SLC9C2: variants seen among roughly 807,000 people sequenced by gnomAD.
SLC9C2 encodes the protein solute carrier family 9 member C2 (putative), also known as sodium/hydrogen exchanger 11.
Under a neutral mutation model 140.2 loss-of-function variants are expected in SLC9C2, and 75 were observed. The ratio of observed to expected loss-of-function variants is 0.53; its 90% CI spans 0.44 to 0.65. The LOEUF (loss-of-function observed/expected upper bound fraction) is 0.65, where lower values mean the gene tolerates loss of function less well. Ranked by LOEUF, SLC9C2 falls within the 30% of genes least tolerant of loss-of-function variation. The pLI is 0.00. For missense variants in SLC9C2, 1,074 were observed against 1,331.8 expected (o/e 0.81, Z 3.01); for synonymous variants, 375 against 420.9 (o/e 0.89, Z 1.34).
In SLC9C2 at chr1:173,560,756, T is replaced by C. The variant is rs146659250; in HGVS notation, c.1047-3248A>G. Among the ~76,000 whole-genome samples, 491 of 152,264 alleles carry C rather than the reference T, an allele frequency of 3.2e-3. 5 individuals carry two copies. The highest frequency in any genetic ancestry group is 0.011 in the African/African-American group (472 of 41,558). ...CCCCGCAGCTAGCTATGAAGCCCCA[T>C]AACACGTTTCTTGTTCCTTCTCTCT... On this transcript the variant is annotated intron_variant, in intron 9 of 27. Transcript: ENST00000367714.
intron 4 of SLC9C2, among the ~76,000 whole-genome samples, chr1:173,597,697 T>C: frequency 6.6e-6 from 1 of 152,186 alleles, no homozygotes. Context: ...GCACTGAGAA[T>C]GCCTAGTCAC....
At chr1:173,504,988 T>C (rs1359460) in intron 26 of SLC9C2, among the ~76,000 whole-genome samples, 77,579 of 152,060 alleles carry the variant, frequency 0.51, 21,559 homozygotes, top group East Asian at 0.95. Context: ...CAGAGTGCAT[T>C]GCAGAAGCTG....
intron 9 of SLC9C2, among the ~76,000 whole-genome samples, chr1:173,571,057 C>A (rs1177286366): frequency 6.6e-6 from 1 of 152,116 alleles, no homozygotes; most frequent in African/African-American, 2.4e-5. Flanking sequence ...GTGCAGATAG[C>A]TGTTAAAATG....
At chr1:173,546,681 A>G (rs759233230) in intron 13 of SLC9C2, among the ~76,000 whole-genome samples, 2 of 152,196 alleles carry the variant, frequency 1.3e-5, no homozygotes, top group Admixed American at 6.5e-5. Context: ...TTTGAAGGAC[A>G]TATCAGTTCA....
intron 19 of SLC9C2, among the ~76,000 whole-genome samples, chr1:173,525,780 C>T (rs1422670344): frequency 6.6e-6 from 1 of 152,204 alleles, no homozygotes; most frequent in African/African-American, 2.4e-5. Flanking sequence ...ATATTCCATA[C>T]TGATCTAAAA....
chr1:173,587,826 A>G lies in SLC9C2; in HGVS notation c.362T>C (p.Leu121Ser). The G allele has an allele frequency of 3.1e-6, 5 of 1,610,778 alleles. No homozygotes were observed. Among genetic ancestry groups the G allele is most frequent in the Non-Finnish European group, 4.2e-6 (5 of 1,178,396 alleles). Residue 121 changes from leucine (L) to serine (S), a missense_variant, in exon 5 of 28, where the codon TTG (leucine) becomes TCG (serine). Leu to Ser is a moderately radical substitution (Grantham distance 145). Coordinates refer to ENST00000367714, the MANE Select transcript of SLC9C2 (RefSeq NM_178527.4). ...YTLKKMFWQVLLTGLISFSTA... is the reference protein window; with the variant it reads ...YTLKKMFWQVSLTGLISFSTA... Reference sequence around the variant, plus strand: ...AGAAAAGCTAATTAATCCAGTTAACAAGACCTGTGAACCAATTCATAACAC... The same window carrying G: ...AGAAAAGCTAATTAATCCAGTTAACGAGACCTGTGAACCAATTCATAACAC...
chr1:173,508,606 G>A (rs540810662), intron 24 of SLC9C2, among the ~76,000 whole-genome samples: 57 of 152,274 alleles, frequency 3.7e-4, no homozygotes, highest in Non-Finnish European at 6.5e-4. Flanking sequence ...TTGCAATAAA[G>A]TAAAAGAAAC....
chr1:173,515,321 C>T (rs1434620646), intron 23 of SLC9C2, among the ~76,000 whole-genome samples: 2 of 152,204 alleles, frequency 1.3e-5, no homozygotes, highest in African/African-American at 4.8e-5. Flanking sequence ...GTTCTTTTTA[C>T]ATAGTCCCAT....
chr1:173,549,270 C>G (rs1476572916), intron 11 of SLC9C2, among the ~76,000 whole-genome samples: 1 of 152,194 alleles, frequency 6.6e-6, no homozygotes, highest in East Asian at 1.9e-4. Flanking sequence ...ATTTCACTCT[C>G]TATGGGACAC....
chr1:173,581,946 AC>A lies in SLC9C2; in HGVS notation c.702del (p.Trp234CysfsTer18). 1 of 1,606,042 alleles carries A rather than the reference AC, an allele frequency of 6.2e-7. No homozygotes were observed. Among genetic ancestry groups the A allele is most frequent in the Non-Finnish European group, 8.5e-7 (1 of 1,174,820 alleles). ...DILGSIIFGY[W>X]CAKIIQCILA... ...AATATACACTGAATGATTTTTGCACACCAATATCCAAATATTATGCTTCCCA... is the reference window on the plus strand; with the variant it reads ...AATATACACTGAATGATTTTTGCACACAATATCCAAATATTATGCTTCCCA... On this transcript the variant is annotated frameshift_variant, in exon 7 of 28. Coordinates refer to ENST00000367714, the MANE Select transcript of SLC9C2 (RefSeq NM_178527.4). LOFTEE classifies it high-confidence loss of function.
At chr1:173,565,023 A>C (rs1664382752) in intron 9 of SLC9C2, among the ~76,000 whole-genome samples, 1 of 132,432 alleles carries the variant, frequency 7.6e-6, no homozygotes, top group South Asian at 2.4e-4. Flanking sequence ...GCTGGAGTGC[A>C]GTGGTGCAAA....
intron 23 of SLC9C2, among the ~76,000 whole-genome samples, chr1:173,516,258 A>T (rs1456235866): frequency 1.3e-5 from 2 of 152,252 alleles, no homozygotes; most frequent in African/African-American, 4.8e-5. Context: ...TGTTGAATAG[A>T]TAACTTCTTA....
intron 13 of SLC9C2, among the ~76,000 whole-genome samples, chr1:173,541,505 G>A (rs1302815237): frequency 2.0e-5 from 3 of 152,050 alleles, no homozygotes; most frequent in African/African-American, 7.2e-5. Flanking sequence ...TGCACCAAGT[G>A]GACCTAATAG....
intron 19 of SLC9C2, 48 bp from the exon 20 acceptor site, chr1:173,524,975 C>A (rs761312361): frequency 1.9e-6 from 3 of 1,575,700 alleles, no homozygotes; most frequent in Non-Finnish European, 2.6e-6. Flanking sequence ...GCAATAACCA[C>A]AATAACTAAT....
chr1:173,595,864 T>A (rs1666422276), intron 4 of SLC9C2, among the ~76,000 whole-genome samples: 1 of 152,186 alleles, frequency 6.6e-6, no homozygotes, highest in South Asian at 2.1e-4. Flanking sequence ...AGTTATGTAA[T>A]CACACCACAA....
At chr1:173,589,284 C>T (rs1402314930) in intron 4 of SLC9C2, among the ~76,000 whole-genome samples, 2 of 152,094 alleles carry the variant, frequency 1.3e-5, no homozygotes, top group Non-Finnish European at 2.9e-5. Flanking sequence ...AGGCCAGCCA[C>T]GGTGGCTCAT....
intron 13 of SLC9C2, among the ~76,000 whole-genome samples, chr1:173,544,334 T>C (rs1662675442): frequency 6.6e-6 from 1 of 152,068 alleles, no homozygotes; most frequent in Admixed American, 6.6e-5. Flanking sequence ...GTTAGAATGG[T>C]GATCATTAAA....
chr1:173,559,989 G>A (rs748897331), intron 9 of SLC9C2, among the ~76,000 whole-genome samples: 2 of 152,008 alleles, frequency 1.3e-5, no homozygotes, highest in African/African-American at 2.4e-5. Flanking sequence ...TATATAATCC[G>A]AATCTACCAA....
Position 173,517,763 on chromosome 1 carries a change from A to G in SLC9C2, c.2740-59T>C, listed in dbSNP as rs1660521459. On this transcript the variant is annotated intron_variant, in intron 22 of 27. Coordinates refer to ENST00000367714, the MANE Select transcript of SLC9C2 (RefSeq NM_178527.4). Reference sequence around the variant, plus strand: ...AAAAAATGAAAAACCCTTTGATCAAATCATAGGAGCTCCCACTATTTCTTA... The same window carrying G: ...AAAAAATGAAAAACCCTTTGATCAAGTCATAGGAGCTCCCACTATTTCTTA... 6 of 1,408,656 alleles carry G rather than the reference A, an allele frequency of 4.3e-6. No individual in the cohort carries two copies. The South Asian group carries it at 9.4e-5, about 22-fold the overall frequency. The allele number at this position is 1,408,656 out of a possible 1,614,324, so 87.3% of individuals were successfully genotyped here.
Sources: gnomAD v4.1 joint callset for allele counts (sites outside exome capture counted in the v4.1 genomes callset) on GRCh38, gnomAD v4.1.1 for gene constraint, MANE v1.5 for transcripts, NCBI Gene and HGNC (gene_info 2026-07-23, HGNC 2026-07-21) for gene names.